Variants in ITGA8 observed in about 807,000 individuals in gnomAD.
ITGA8 encodes integrin subunit alpha 8.
A neutral mutation model predicts 142.3 loss-of-function variants in ITGA8; 91 were observed. The ratio of observed to expected loss-of-function variants is 0.64; its 90% CI spans 0.54 to 0.76. The LOEUF (loss-of-function observed/expected upper bound fraction) is 0.76, where lower values mean the gene tolerates loss of function less well. ITGA8 is among the 30% of genes least tolerant of loss of function. ITGA8 has a pLI of 0.00. For missense variants in ITGA8, 1,406 were observed against 1,327.7 expected (o/e 1.06, Z -0.92); for synonymous variants, 505 against 485.2 (o/e 1.04, Z -0.54).
intron 13 of ITGA8, among the ~76,000 whole-genome samples, chr10:15,640,878 C>T (rs529252815): frequency 8.8e-4 from 134 of 152,232 alleles, no homozygotes; most frequent in African/African-American, 2.9e-3. Flanking sequence ...GACAATGGAA[C>T]GAGCCACAGA....
In ITGA8 at chr10:15,588,203, C is replaced by A. The variant is rs1182762436; in HGVS notation, c.2292-1539G>T. Among the ~76,000 whole-genome samples the A allele has an allele frequency of 1.3e-5, 2 of 152,206 alleles. 1 individual carries two copies. Among genetic ancestry groups the A allele is most frequent in the African/African-American group, 4.8e-5 (2 of 41,448 alleles). Reference sequence around the variant, plus strand: ...CTGGAAAGGATATGATAAAATTCTGCTTTCAAAGCAGGAGGCGGCAGAATT... The same window carrying A: ...CTGGAAAGGATATGATAAAATTCTGATTTCAAAGCAGGAGGCGGCAGAATT... On this transcript the variant is annotated intron_variant, in intron 22 of 29. Transcript: ENST00000378076.
intron 13 of ITGA8, among the ~76,000 whole-genome samples, chr10:15,636,954 G>C (rs1162723408): frequency 6.6e-6 from 1 of 152,120 alleles, no homozygotes; most frequent in Admixed American, 6.5e-5. Flanking sequence ...AGACCAGCCT[G>C]GCCAACATGG....
chr10:15,590,759 G>A (rs546176954), intron 22 of ITGA8, among the ~76,000 whole-genome samples: 94 of 152,116 alleles, frequency 6.2e-4, no homozygotes, highest in Non-Finnish European at 1.1e-3. Flanking sequence ...ACATGCTTTT[G>A]GTAAAATGAA....
intron 8 of ITGA8, among the ~76,000 whole-genome samples, chr10:15,661,886 G>A (rs1040710304): frequency 6.6e-6 from 1 of 152,160 alleles, no homozygotes; most frequent in African/African-American, 2.4e-5. Flanking sequence ...ACCCTGTCCA[G>A]TTTTCAATAA....
In ITGA8 at chr10:15,517,091, T is replaced by A; in HGVS notation, c.*67A>T. The A allele has an allele frequency of 8.3e-7, 1 of 1,199,860 alleles. No homozygotes were observed. Among genetic ancestry groups the A allele is most frequent in the Non-Finnish European group, 1.2e-6 (1 of 839,824 alleles). 74.3% of individuals were successfully genotyped at this position (1,199,860 alleles called of 1,614,324 possible). ...ATCAGAAAGCTTTGATTTTTAACCC[T>A]CATGTTCTTTCTTTTTCTTTGAACA... On this transcript the variant is annotated 3_prime_UTR_variant, in exon 30 of 30. Coordinates refer to ENST00000378076, the MANE Select transcript of ITGA8 (RefSeq NM_003638.3).
At position 15,672,705 on chromosome 10, in the gene ITGA8, A is replaced by G. The variant is rs1834548286; in HGVS notation, c.721T>C (p.Ser241Pro). The G allele has an allele frequency of 6.2e-7, 1 of 1,613,552 alleles. No homozygotes were observed. Among genetic ancestry groups the G allele is most frequent in the Non-Finnish European group, 8.5e-7 (1 of 1,179,782 alleles). ...AGTTTCCTGAGGATATCCTTGAATG[A>G]GTAATTTGCAATGATATCTGCAACA... ...ASVADIIANYSFKDILRKLAG... is the reference protein window; with the variant it reads ...ASVADIIANYPFKDILRKLAG... The change falls in exon 7 of 30, where the codon TCA becomes CCA. Residue 241 changes from serine to proline, a missense_variant. Physicochemically the swap from Ser to Pro is moderately conservative, Grantham distance 74 (BLOSUM62 -1). Coordinates refer to ENST00000378076, the MANE Select transcript of ITGA8 (RefSeq NM_003638.3).
chr10:15,627,406 C>A (rs1271742007), intron 13 of ITGA8, among the ~76,000 whole-genome samples: 1 of 152,190 alleles, frequency 6.6e-6, no homozygotes, highest in Non-Finnish European at 1.5e-5. Context: ...GGTTGGACCG[C>A]CAGCTTTCTG....
chr10:15,602,491 G>C (rs752605293), intron 20 of ITGA8, among the ~76,000 whole-genome samples: 1 of 151,978 alleles, frequency 6.6e-6, no homozygotes, highest in Non-Finnish European at 1.5e-5. Flanking sequence ...TAATATCAGC[G>C]CTTTGGAAGG....
chr10:15,547,534 T>C (rs932196061), intron 27 of ITGA8, among the ~76,000 whole-genome samples: 1 of 152,184 alleles, frequency 6.6e-6, no homozygotes, highest in African/African-American at 2.4e-5. Flanking sequence ...ATCGCACTAC[T>C]GCACTCCAGG....
At chr10:15,523,217 C>A (rs4748178) in intron 28 of ITGA8, among the ~76,000 whole-genome samples, 146,354 of 152,296 alleles carry the variant, frequency 0.96, 70,562 homozygotes, top group Non-Finnish European at 1. Flanking sequence ...TGACTTTGCC[C>A]CTTGGTTATT....
intron 15 of ITGA8, among the ~76,000 whole-genome samples, chr10:15,609,691 AATTTTTCTGTAT>A (rs1364089891): frequency 6.6e-6 from 1 of 152,212 alleles, no homozygotes; most frequent in East Asian, 1.9e-4. Context: ...TCAAAATTAG[AATTTTTCTGTAT>A]CCAACCTTTT....
At chr10:15,715,774 A>G (rs544893182) in intron 2 of ITGA8, among the ~76,000 whole-genome samples, 1 of 152,366 alleles carries the variant, frequency 6.6e-6, no homozygotes, top group South Asian at 2.1e-4. Context: ...TCAGAATGGA[A>G]ATAGCTACAC....
chr10:15,624,516 C>T (rs10904602), intron 13 of ITGA8, among the ~76,000 whole-genome samples: 103,451 of 152,116 alleles, frequency 0.68, 36,536 homozygotes, highest in South Asian at 0.86. Flanking sequence ...TGTGCCTCCA[C>T]TGAGAGACAG....
intron 2 of ITGA8, among the ~76,000 whole-genome samples, chr10:15,714,331 G>A (rs899722400): frequency 2.0e-5 from 3 of 152,212 alleles, no homozygotes; most frequent in African/African-American, 7.2e-5. Flanking sequence ...AGACACAGAA[G>A]CGAGAGGCAT....
intron 2 of ITGA8, among the ~76,000 whole-genome samples, chr10:15,693,573 T>C (rs1406256001): frequency 2.0e-5 from 3 of 152,200 alleles, no homozygotes; most frequent in African/African-American, 7.2e-5. Context: ...TCTTACAGTT[T>C]GTAGCTTAAA....
intron 27 of ITGA8, among the ~76,000 whole-genome samples, chr10:15,543,971 C>A (rs2131553774): frequency 6.6e-6 from 1 of 152,162 alleles, no homozygotes; most frequent in Non-Finnish European, 1.5e-5. Context: ...CTACAAGCCA[C>A]TGAATGCCCA....
At position 15,558,091 on chromosome 10, in the gene ITGA8, T is replaced by C. The variant is rs1211883443; in HGVS notation, c.2749A>G (p.Ser917Gly). 1.9e-6 allele frequency: 3 copies of C among 1,614,084 alleles called. No individual in the cohort carries two copies. ...DVHVVEFHRQ[S>G]PAKILNCTNI... ...TAACTCACCAGTATTTTTGCAGGGC[T>C]CTGTCTGTGGAATTCGACCACATGT... Residue 917 changes from serine (S) to glycine (G), a missense_variant, in exon 26 of 30, where the codon AGC (serine) becomes GGC (glycine). Ser to Gly is a moderately conservative substitution (Grantham distance 56, BLOSUM62 0). Coordinates refer to ENST00000378076, the MANE Select transcript of ITGA8 (RefSeq NM_003638.3).
chr10:15,577,611 C>G (rs186992564), intron 23 of ITGA8, among the ~76,000 whole-genome samples: 21 of 152,048 alleles, frequency 1.4e-4, no homozygotes, highest in African/African-American at 5.1e-4. Context: ...CAGTTATTTA[C>G]CCACCGAAGA....
At chr10:15,661,986 G>T (rs555991213) in intron 8 of ITGA8, among the ~76,000 whole-genome samples, 49 of 152,270 alleles carry the variant, frequency 3.2e-4, no homozygotes, top group South Asian at 8.3e-4. Context: ...GGTCAGGCCT[G>T]TGGGTGAGGA....
Sources: gnomAD v4.1 joint callset for allele counts (sites outside exome capture counted in the v4.1 genomes callset) on GRCh38, gnomAD v4.1.1 for gene constraint, MANE v1.5 for transcripts, NCBI Gene and HGNC (gene_info 2026-07-23, HGNC 2026-07-21) for gene names.